The following OGFR variants were observed in gnomAD, a reference collection of about 807,000 sequenced individuals.
OGFR encodes opioid growth factor receptor.
A neutral mutation model predicts 33.6 loss-of-function variants in OGFR; 18 were observed. The ratio of observed to expected loss-of-function variants is 0.54; its 90% confidence interval spans 0.37 to 0.80. The LOEUF (loss-of-function observed/expected upper bound fraction) is 0.80. OGFR is among the 30% of genes least tolerant of loss of function. The pLI is 0.00. For synonymous variants in OGFR, 370 were observed against 400.7 expected (o/e 0.92, Z 0.91); for missense variants, 877 against 955.8 (o/e 0.92, Z 1.09).
Position 62,812,527 on chromosome 20 carries a change from C to T in OGFR, c.912C>T (p.Leu304=), listed in dbSNP as rs369014313. The T allele has an allele frequency of 1.9e-5, 30 of 1,585,440 alleles. No individual in the cohort carries two copies. The highest frequency in any genetic ancestry group is 2.3e-5 in the Non-Finnish European group (27 of 1,166,536). Reference sequence around the variant, plus strand: ...AGCCCAGCTCTCTGCCCCATCCGCTCGAGGGCTCCAGGAAGGTGGAGGAGG... The same window carrying T: ...AGCCCAGCTCTCTGCCCCATCCGCTTGAGGGCTCCAGGAAGGTGGAGGAGG... ...RFKPSSLPHP[L]EGSRKVEEEG... The change falls in exon 7 of 7, where the codon CTC becomes CTT. Residue 304 remains leucine (L), a synonymous_variant. Coordinates refer to ENST00000290291, the MANE Select transcript of OGFR (RefSeq NM_007346.4).
chr20:62,812,162 C>G (rs1990741486), intron 6 of OGFR, 68 bp from the exon 7 acceptor site: 2 of 1,378,604 alleles, frequency 1.5e-6, no homozygotes, highest in Non-Finnish European at 1.9e-6. Context: ...GAGGGCAGGC[C>G]AGGGCGGGGT....
chr20:62,810,651 C>A, intron 5 of OGFR, 86 bp downstream of exon 5: 1 of 1,323,898 alleles, frequency 7.6e-7, no homozygotes, highest in Non-Finnish European at 1.1e-6. Flanking sequence ...TCGCCTCTGG[C>A]AGTAGGCATT....
Position 62,812,796 on chromosome 20 carries a change from A to AT in OGFR, c.1181_1182insT (p.Gln394HisfsTer70). 1.2e-6 allele frequency: 2 copies of AT among 1,612,598 alleles called. No individual in the cohort carries two copies. Among genetic ancestry groups the AT allele is most frequent in the Non-Finnish European group, 1.7e-6 (2 of 1,179,834 alleles). On this transcript the variant is annotated frameshift_variant, in exon 7 of 7. Coordinates refer to ENST00000290291, the MANE Select transcript of OGFR (RefSeq NM_007346.4). LOFTEE classifies it low-confidence loss of function (END_TRUNC). ...AAGCTGGAGCTGAGCCGGCGGGAGC[A>AT]GCCGCCCACAGAGCCAGGCCCTCAG...
rs189369501 is a variant in OGFR, at chr20:62,805,103, C to T, written c.171+73C>T. On this transcript the variant is annotated intron_variant, in intron 1 of 6. Coordinates refer to ENST00000290291, the MANE Select transcript of OGFR (RefSeq NM_007346.4). ...GCCCGGCTGCGTGGACGGGAGACCC[C>T]CCCATCCCGGGCGGAGACACCTGGA... The T allele has an allele frequency of 1.3e-3, 1,595 of 1,196,254 alleles. 18 individuals carry two copies. In the African/African-American group the frequency reaches 0.022, roughly 16 times the overall value. 74.1% of individuals were successfully genotyped at this position (1,196,254 alleles called of 1,614,324 possible). A position where few individuals can be genotyped will look rare whatever the true frequency, so the allele number is the denominator to read the frequency against.
At position 62,812,387 on chromosome 20, in the gene OGFR, A is replaced by G; in HGVS notation, c.772A>G (p.Met258Val). The change falls in exon 7 of 7, where the codon ATG (methionine) becomes GTG (valine). Residue 258 changes from methionine to valine, a missense_variant. Physicochemically the swap from Met to Val is conservative, Grantham distance 21. Coordinates refer to ENST00000290291, the MANE Select transcript of OGFR (RefSeq NM_007346.4). ...GCGGCAGAGTGCCCTGGACTACTTC[A>G]TGTTCGCCGTGCGCTGCCGACACCA... ...GVRQSALDYF[M>V]FAVRCRHQRR... 2 of 1,579,862 alleles carry G rather than the reference A, an allele frequency of 1.3e-6. No individual in the cohort carries two copies. Among genetic ancestry groups the G allele is most frequent in the South Asian group, 1.2e-5 (1 of 86,858 alleles).
Position 62,805,023 on chromosome 20 carries a change from C to T in OGFR, c.164C>T (p.Ser55Leu). 2.1e-6 allele frequency: 3 copies of T among 1,414,580 alleles called. No individual in the cohort carries two copies. The highest frequency in any genetic ancestry group is 2.8e-6 in the Non-Finnish European group (3 of 1,088,760). 87.6% of individuals were successfully genotyped at this position (1,414,580 alleles called of 1,614,324 possible). A position where few individuals can be genotyped will look rare whatever the true frequency, so the allele number is the denominator to read the frequency against. ...GAGCCGCGGGCGGCGCGGCCCAGCT[C>T]GTTCCAGGTGCGGCCCCGCGGCGCG... ...SEEPRAARPS[S>L]FQSRMTGSRN... Residue 55 changes from serine to leucine, a missense_variant, in exon 1 of 7, where the codon TCG (serine) becomes TTG (leucine). Ser to Leu is a moderately radical substitution (Grantham distance 145). Transcript: ENST00000290291.
Position 62,812,687 on chromosome 20 carries a change from C to T in OGFR, c.1072C>T (p.Leu358=), listed in dbSNP as rs1263347810. 2 of 1,572,744 alleles carry T rather than the reference C, an allele frequency of 1.3e-6. No homozygotes were observed. The highest frequency in any genetic ancestry group is 1.7e-6 in the Non-Finnish European group (2 of 1,159,680). The part of the protein sequence containing the change: ...RSVEPQDAGP[L]ERSQGDEAGG... Reference sequence around the variant, plus strand: ...CGTGGAGCCCCAGGATGCGGGACCCCTGGAGAGGAGCCAGGGGGATGAGGC... The same window carrying T: ...CGTGGAGCCCCAGGATGCGGGACCCTTGGAGAGGAGCCAGGGGGATGAGGC... The change falls in exon 7 of 7, where the codon CTG becomes TTG. Residue 358 remains leucine (L), a synonymous_variant. Transcript: ENST00000290291.
In OGFR at chr20:62,812,892, C is replaced by T. The variant is rs140358759; in HGVS notation, c.1277C>T (p.Thr426Met). 1.8e-3 allele frequency: 2,919 copies of T among 1,612,456 alleles called. 13 individuals carry two copies. Among genetic ancestry groups the T allele is most frequent in the Non-Finnish European group, 1.8e-3 (2,098 of 1,179,878 alleles). The part of the protein sequence containing the change: ...GCALSQGSLR[T>M]GTQEVGGQDP... ...GCCCTCAGCCAGGGCAGCCTCAGGACGGGGACCCAGGAAGTGGGCGGTCAG... is the reference window on the plus strand; with the variant it reads ...GCCCTCAGCCAGGGCAGCCTCAGGATGGGGACCCAGGAAGTGGGCGGTCAG... Residue 426 changes from threonine (T) to methionine (M), a missense_variant, in exon 7 of 7, where the codon ACG (threonine) becomes ATG (methionine). Around this residue, in one of 3 missense-constraint regions of OGFR, gnomAD observed 760 missense variants for 736.0 expected, o/e 1.03. Coordinates refer to ENST00000290291, the MANE Select transcript of OGFR (RefSeq NM_007346.4).
rs750284464 is a variant in OGFR at position 62,809,546 on chromosome 20, G to A, written c.320-39G>A. 2.8e-5 allele frequency: 43 copies of A among 1,540,926 alleles called. No individual in the cohort carries two copies. The East Asian group carries it at 4.0e-4, about 14-fold the overall frequency. On this transcript the variant is annotated intron_variant, in intron 3 of 6. Coordinates refer to ENST00000290291, the MANE Select transcript of OGFR (RefSeq NM_007346.4). ...CCCCGTCCTCCTGAGCACGGGCAGG[G>A]TGGCTGCCACAGCTGACTTGTCCCC...
intron 2 of OGFR, 40 bp downstream of exon 2, chr20:62,807,645 GC>G: frequency 6.3e-7 from 1 of 1,585,630 alleles, no homozygotes; most frequent in Non-Finnish European, 8.6e-7. Context: ...GAACCCTCCC[GC>G]CAGCTGCTCT....
intron 2 of OGFR, chr20:62,807,940 G>C (rs1289133580): frequency 1.7e-6 from 1 of 600,046 alleles, no homozygotes; most frequent in African/African-American, 1.9e-5. Context: ...GTCTCCTGCA[G>C]GTTGTCCTCA....
At chr20:62,808,102 A>T in intron 2 of OGFR, 145 bp from the exon 3 acceptor site, 1 of 744,536 alleles carries the variant, frequency 1.3e-6, no homozygotes, top group Non-Finnish European at 2.5e-6. Flanking sequence ...AATGGCCCCC[A>T]CCTGCAGAGT....
intron 1 of OGFR, 136 bp downstream of exon 1, chr20:62,805,166 C>CG (rs1010412881): frequency 6.7e-6 from 4 of 597,924 alleles, no homozygotes; most frequent in South Asian, 6.7e-5. Context: ...GACCCCCCCC[C>CG]AGACCGGCCG....
chr20:62,813,024 C>T lies in OGFR; in HGVS notation c.1409C>T (p.Ala470Val), dbSNP rs749941602. The T allele has an allele frequency of 1.5e-5, 24 of 1,603,984 alleles. No homozygotes were observed. Among genetic ancestry groups the T allele is most frequent in the Non-Finnish European group, 1.9e-5 (22 of 1,175,768 alleles). The stretch of plus-strand genomic sequence containing the variant: ...GATGAGGGTGCTGGGGACAGTGCTG[C>T]GGTGGCCAGTGGTGGTGCCCAGACC... The part of the protein sequence containing the change: ...KVDEGAGDSA[A>V]VASGGAQTLA... The change falls in exon 7 of 7, where the codon GCG becomes GTG. Residue 470 changes from alanine (A) to valine (V), a missense_variant. Physicochemically the swap from Ala to Val is moderately conservative, Grantham distance 64 (BLOSUM62 0). Around this residue, in one of 3 missense-constraint regions of OGFR, gnomAD observed 760 missense variants for 736.0 expected, o/e 1.03. Coordinates refer to ENST00000290291, the MANE Select transcript of OGFR (RefSeq NM_007346.4).
intron 2 of OGFR, 123 bp downstream of exon 2, chr20:62,807,728 C>G (rs963018820): frequency 1.2e-5 from 12 of 973,000 alleles, no homozygotes; most frequent in Middle Eastern, 2.9e-4. Context: ...CAGTTCTGGG[C>G]AGGACCCTGC....
chr20:62,812,096 T>G, intron 6 of OGFR, 134 bp from the exon 7 acceptor site: 1 of 766,898 alleles, frequency 1.3e-6, no homozygotes, highest in Non-Finnish European at 2.0e-6. Context: ...GAGAGGTAAA[T>G]GGAGAGAGAG....
chr20:62,807,909 C>T lies in OGFR; in HGVS notation c.240+304C>T, dbSNP rs1027239758. ...GGTCCGTGATACCGCCCACACAGCA[C>T]CCCACCCCCATGCCAGCCCTGTCTC... On this transcript the variant is annotated intron_variant, in intron 2 of 6. Coordinates refer to ENST00000290291, the MANE Select transcript of OGFR (RefSeq NM_007346.4). 22 of 599,108 alleles carry T rather than the reference C, an allele frequency of 3.7e-5. No individual in the cohort carries two copies. The Admixed American group carries it at 6.2e-4, about 17-fold the overall frequency. The allele number at this position is 599,108 out of a possible 1,614,324, so 37.1% of individuals were successfully genotyped here. A position where few individuals can be genotyped will look rare whatever the true frequency, so the allele number is the denominator to read the frequency against.
rs751154068 is a variant in OGFR, at chr20:62,812,401, C to T, written c.786C>T (p.Arg262=). The change falls in exon 7 of 7, where the codon CGC becomes CGT. Residue 262 remains arginine (R), a synonymous_variant. Transcript: ENST00000290291. ...TGGACTACTTCATGTTCGCCGTGCGCTGCCGACACCAGCGCCGCCAGCTGG... is the reference window on the plus strand; with the variant it reads ...TGGACTACTTCATGTTCGCCGTGCGTTGCCGACACCAGCGCCGCCAGCTGG... ...SALDYFMFAV[R]CRHQRRQLVH... 1 of 1,582,686 alleles carries T rather than the reference C, an allele frequency of 6.3e-7. No homozygotes were observed. Among genetic ancestry groups the T allele is most frequent in the South Asian group, 1.1e-5 (1 of 87,330 alleles).
In OGFR at chr20:62,813,101, A is replaced by G. The variant is rs1170745955; in HGVS notation, c.1486A>G (p.Ser496Gly). Residue 496 changes from serine (S) to glycine (G), a missense_variant, in exon 7 of 7, where the codon AGT (serine) becomes GGT (glycine). Coordinates refer to ENST00000290291, the MANE Select transcript of OGFR (RefSeq NM_007346.4). ...APSGHPKAGH[S>G]ENGVEEDTEG... ...ATCGGGGCACCCCAAGGCTGGACAC[A>G]GTGAGAACGGGGTTGAGGAGGACAC... The G allele has an allele frequency of 3.8e-6, 6 of 1,579,142 alleles. No homozygotes were observed. Among genetic ancestry groups the G allele is most frequent in the African/African-American group, 1.3e-5 (1 of 74,138 alleles).
Sources: allele counts gnomAD v4.1 joint callset, GRCh38; gene constraint gnomAD v4.1.1; regional missense constraint gnomAD v4.1.1; transcripts MANE v1.5; gene names NCBI Gene and HGNC (gene_info 2026-07-23, HGNC 2026-07-21).